Variants in PLAC1 observed in about 807,000 individuals in gnomAD.
PLAC1 encodes the protein placenta associated 1, also known as placenta-specific protein 1.
For synonymous variants in PLAC1, 68 were observed against 62.1 expected, an observed-to-expected ratio of 1.09 and a Z score of -0.44; for missense variants, 136 against 163.2, an observed-to-expected ratio of 0.83 and a Z score of 0.91.
At chrX:134,592,978 C>T (rs752389652) in intron 2 of PLAC1, among the ~76,000 whole-genome samples, 161 of 110,778 alleles carry the variant, frequency 1.5e-3, no homozygotes, top group African/African-American at 5.1e-3. Context: ...CCGCCCGCCT[C>T]AGCCTCCCAA....
intron 2 of PLAC1, among the ~76,000 whole-genome samples, chrX:134,585,079 C>T (rs1006309863): frequency 9.3e-6 from 1 of 107,776 alleles, no homozygotes; most frequent in Non-Finnish European, 1.9e-5. Context: ...CGCCTGTAAT[C>T]CCAGCACTTT....
intron 1 of PLAC1, among the ~76,000 whole-genome samples, chrX:134,754,876 A>G (rs186945910): frequency 2.1e-3 from 225 of 108,536 alleles, no homozygotes; most frequent in African/African-American, 7.3e-3. Context: ...TAGGTTTGCA[A>G]TGAAACGGTA....
chrX:134,582,050 G>A (rs1602797152), intron 2 of PLAC1, among the ~76,000 whole-genome samples: 1 of 112,315 alleles, frequency 8.9e-6, no homozygotes, highest in East Asian at 2.8e-4. Flanking sequence ...CTGCATAGAG[G>A]TAGAAGCTGA....
intron 2 of PLAC1, among the ~76,000 whole-genome samples, chrX:134,686,125 G>GT (rs2147818691): frequency 8.9e-6 from 1 of 111,860 alleles, no homozygotes; most frequent in Admixed American, 9.5e-5. Flanking sequence ...GGGTGGAAGA[G>GT]TACTCATCCA....
intron 2 of PLAC1, among the ~76,000 whole-genome samples, chrX:134,600,373 C>T (rs1460614108): frequency 9.0e-6 from 1 of 111,604 alleles, no homozygotes; most frequent in Non-Finnish European, 1.9e-5. Flanking sequence ...TGCCACGTTG[C>T]CCAGGCTGGT....
intron 1 of PLAC1, among the ~76,000 whole-genome samples, chrX:134,608,946 T>C (rs1010754928): frequency 9.3e-6 from 1 of 107,909 alleles, no homozygotes. Flanking sequence ...AATGCTGGGA[T>C]TACAGGAGTG....
chrX:134,605,034 T>C (rs2078115943), intron 1 of PLAC1, among the ~76,000 whole-genome samples: 1 of 111,241 alleles, frequency 9.0e-6, no homozygotes, highest in African/African-American at 3.3e-5. Context: ...GGCCAGATTG[T>C]GTTTTTTAAA....
At chrX:134,671,228 A>G (rs1381608750) in intron 2 of PLAC1, among the ~76,000 whole-genome samples, 1 of 111,912 alleles carries the variant, frequency 8.9e-6, no homozygotes, top group Non-Finnish European at 1.9e-5. Flanking sequence ...AATAATATTT[A>G]ACAGAAATAA....
chrX:134,580,014 G>A (rs963574290), intron 2 of PLAC1, among the ~76,000 whole-genome samples: 2 of 112,035 alleles, frequency 1.8e-5, no homozygotes, highest in Non-Finnish European at 3.8e-5. Context: ...GCTACCTTCC[G>A]CCAATTGGAG....
chrX:134,578,991 T>G (rs2077959323), intron 2 of PLAC1, among the ~76,000 whole-genome samples: 1 of 111,560 alleles, frequency 9.0e-6, no homozygotes, highest in Non-Finnish European at 1.9e-5. Context: ...GTGATGACTT[T>G]AAAAATATAT....
intron 1 of PLAC1, chrX:134,607,762 G>T: frequency 8.9e-6 from 1 of 111,878 alleles, no homozygotes; most frequent in Non-Finnish European, 1.9e-5. Flanking sequence ...AGCATTTCCT[G>T]CTGGACATGA....
intron 1 of PLAC1, among the ~76,000 whole-genome samples, chrX:134,630,873 A>C (rs2078257711): frequency 8.9e-6 from 1 of 112,018 alleles, no homozygotes; most frequent in Non-Finnish European, 1.9e-5. Context: ...GATTAAGCTA[A>C]GTATTCTAAA....
At chrX:134,730,986 GC>G (rs2078687410) in intron 2 of PLAC1, among the ~76,000 whole-genome samples, 1 of 111,181 alleles carries the variant, frequency 9.0e-6, no homozygotes, top group Non-Finnish European at 1.9e-5. Flanking sequence ...AGCTTCACTT[GC>G]CTTCTATATG....
chrX:134,619,197 G>C (rs900826590), intron 1 of PLAC1, among the ~76,000 whole-genome samples: 23 of 111,538 alleles, frequency 2.1e-4, no homozygotes, highest in Non-Finnish European at 3.8e-5. Context: ...CACCTTTTTG[G>C]GTGTTAACCC....
chrX:134,737,739 T>C (rs1025066504), intron 1 of PLAC1, among the ~76,000 whole-genome samples: 1 of 112,249 alleles, frequency 8.9e-6, no homozygotes, highest in African/African-American at 3.2e-5. Flanking sequence ...CATGCTGAGG[T>C]CGACGAAAAA....
At chrX:134,599,475 C>A (rs1602821369) in intron 2 of PLAC1, 1 of 111,860 alleles carries the variant, frequency 8.9e-6, no homozygotes, top group African/African-American at 3.2e-5. Flanking sequence ...ATGTTTGCTT[C>A]CCCTTCCGCC....
intron 1 of PLAC1, among the ~76,000 whole-genome samples, chrX:134,603,486 C>T (rs886214367): frequency 8.0e-5 from 8 of 100,439 alleles, no homozygotes; most frequent in South Asian, 1.0e-3. Context: ...TACAGGTGCC[C>T]GCCACCACGC....
chrX:134,579,547 G>C (rs1030945967), intron 2 of PLAC1, among the ~76,000 whole-genome samples: 1 of 111,838 alleles, frequency 8.9e-6, no homozygotes, highest in African/African-American at 3.3e-5. Flanking sequence ...CCAAAGCATA[G>C]AGGGGCTGTG....
upstream of PLAC1, among the ~76,000 whole-genome samples, chrX:134,663,054 T>C (rs1334719674): frequency 8.9e-6 from 1 of 112,546 alleles, no homozygotes; most frequent in African/African-American, 3.2e-5. Context: ...AACTTAAAAA[T>C]TGTGTTGTCT....
Sources: gnomAD v4.1 joint callset for allele counts (sites outside exome capture counted in the v4.1 genomes callset) on GRCh38, gnomAD v4.1.1 for gene constraint, MANE v1.5 for transcripts, NCBI Gene and HGNC (gene_info 2026-07-23, HGNC 2026-07-21) for gene names.